The following CTBP2 variants were observed in gnomAD, a reference collection of about 807,000 sequenced individuals.
CTBP2 encodes the protein C-terminal-binding protein 2.
A neutral mutation model predicts 80.3 loss-of-function variants in CTBP2; 30 were observed. That is an observed-to-expected ratio of 0.37 (90% CI 0.28 to 0.51). CTBP2 has a LOEUF of 0.51. Among genes scored for constraint, CTBP2 ranks in the 20% least tolerant of loss-of-function variants. The probability of loss-of-function intolerance (pLI) is 0.93; values close to 1 mark genes in which losing one functional copy is unlikely to be tolerated. For missense variants in CTBP2, 1,212 were observed against 1,375.3 expected (o/e 0.88, Z 1.88); for synonymous variants, 594 against 587.4 (o/e 1.01, Z -0.16).
intron 1 of CTBP2, among the ~76,000 whole-genome samples, chr10:125,118,612 G>A (rs908626909): frequency 5.3e-5 from 8 of 151,956 alleles, no homozygotes; most frequent in Non-Finnish European, 1.2e-4. Flanking sequence ...CATGGGGCCT[G>A]GCTGCACCCC....
At chr10:125,137,458 C>A (rs1214025775) in intron 1 of CTBP2, among the ~76,000 whole-genome samples, 1 of 152,194 alleles carries the variant, frequency 6.6e-6, no homozygotes, top group African/African-American at 2.4e-5. Context: ...TGGTGACCTG[C>A]ACATACAACA....
chr10:125,152,559 T>C (rs1438490165), intron 1 of CTBP2, among the ~76,000 whole-genome samples: 1 of 152,246 alleles, frequency 6.6e-6, no homozygotes, highest in Non-Finnish European at 1.5e-5. Flanking sequence ...TTGCTCTATT[T>C]ACCCAGCCCG....
upstream of CTBP2, among the ~76,000 whole-genome samples, chr10:125,030,987 A>G (rs1027233180): frequency 6.6e-6 from 1 of 152,162 alleles, no homozygotes; most frequent in Non-Finnish European, 1.5e-5. Context: ...CCCAGGACGG[A>G]GCCACCACAG....
chr10:125,101,221 T>C (rs758614419), intron 2 of CTBP2, among the ~76,000 whole-genome samples: 6 of 152,252 alleles, frequency 3.9e-5, no homozygotes, highest in Non-Finnish European at 5.9e-5. Context: ...CCGCCTTTCA[T>C]GTGAAGTGGC....
rs745547367 is a variant in CTBP2, at chr10:125,081,669, A to AG, written c.-102+29320dup. ...TAATTATGTCAAAAGAAAAAGTTAA[A>AG]GGGAAAAAAAAAATAGACATGAATG... On this transcript the variant is annotated intron_variant, in intron 2 of 10. Transcript: ENST00000337195. Among the ~76,000 whole-genome samples the AG allele has an allele frequency of 2.4e-4, 37 of 152,230 alleles. No homozygotes were observed. In the East Asian group the frequency reaches 3.7e-3, roughly 15 times the overall value.
intron 2 of CTBP2, among the ~76,000 whole-genome samples, chr10:125,058,678 T>C (rs1373959808): frequency 6.6e-6 from 1 of 151,962 alleles, no homozygotes; most frequent in East Asian, 1.9e-4. Flanking sequence ...GCAGATCACC[T>C]GAGGCCGGGA....
Position 124,993,843 on chromosome 10 carries a change from G to T in CTBP2, c.2531+12C>A. The T allele has an allele frequency of 6.2e-7, 1 of 1,608,544 alleles. No homozygotes were observed. The highest frequency in any genetic ancestry group is 1.1e-5 in the South Asian group (1 of 90,624). ...CTGTGGGCTCCTGGTAGGCGGCTGG[G>T]GCAACACGCACCTGAAGGGCTCTGA... is the stretch of plus-strand genomic sequence containing the variant. On this transcript the variant is annotated intron_variant, in intron 6 of 8. Coordinates refer to ENST00000309035, the MANE Select transcript of CTBP2 (RefSeq NM_022802.3).
At chr10:125,071,838 A>G (rs1845528805) in intron 2 of CTBP2, among the ~76,000 whole-genome samples, 1 of 152,082 alleles carries the variant, frequency 6.6e-6, no homozygotes, top group African/African-American at 2.4e-5. Context: ...CACCTTTGCA[A>G]ATGCTGCAGA....
At position 125,018,296 on chromosome 10, in the gene CTBP2, G is replaced by T. The variant is rs140017667; in HGVS notation, c.1678+7786C>A. Reference sequence around the variant, plus strand: ...TCCCAACACTTTGGGAGGCTGAGGCGGGGGGATCACCTGAGGTCAGGAGTT... The same window carrying T: ...TCCCAACACTTTGGGAGGCTGAGGCTGGGGGATCACCTGAGGTCAGGAGTT... On this transcript the variant is annotated intron_variant, in intron 1 of 8. Coordinates refer to ENST00000309035, the MANE Select transcript of CTBP2 (RefSeq NM_022802.3). Among the ~76,000 whole-genome samples the T allele has an allele frequency of 5.8e-3, 880 of 152,262 alleles. 12 individuals are homozygous for T. The highest frequency in any genetic ancestry group is 0.02 in the African/African-American group (833 of 41,532).
intron 2 of CTBP2, among the ~76,000 whole-genome samples, chr10:125,074,104 G>C (rs1454375989): frequency 1.3e-5 from 2 of 152,168 alleles, no homozygotes; most frequent in African/African-American, 4.8e-5. Flanking sequence ...TCATAAGCCT[G>C]GCCTCTACCC....
chr10:125,086,432 A>C (rs758420592), intron 2 of CTBP2, among the ~76,000 whole-genome samples: 6 of 151,042 alleles, frequency 4.0e-5, no homozygotes, highest in African/African-American at 4.8e-5. Flanking sequence ...AATCTCAGCT[A>C]CCCGGGAGAC....
intron 2 of CTBP2, among the ~76,000 whole-genome samples, chr10:125,070,650 T>G (rs1001142046): frequency 6.6e-6 from 1 of 151,716 alleles, no homozygotes; most frequent in Non-Finnish European, 1.5e-5. Flanking sequence ...ATCATCACAA[T>G]TTTTATGTAA....
intron 2 of CTBP2, among the ~76,000 whole-genome samples, chr10:125,067,079 G>A (rs986177194): frequency 2.0e-5 from 3 of 152,140 alleles, no homozygotes; most frequent in Non-Finnish European, 4.4e-5. Context: ...ATTATTGGCC[G>A]GCAAAGGCTT....
In CTBP2 at chr10:125,098,734, G is replaced by C. The variant is rs865952238; in HGVS notation, c.-102+12256C>G. Among the ~76,000 whole-genome samples the C allele has an allele frequency of 3.0e-3, 399 of 132,048 alleles. 8 individuals are homozygous for C. Among genetic ancestry groups the C allele is most frequent in the East Asian group, 8.5e-3 (38 of 4,466 alleles). The allele number at this position is 132,048 out of a possible 152,430, so 86.6% of individuals were successfully genotyped here. On this transcript the variant is annotated intron_variant, in intron 2 of 10. Coordinates refer to the CTBP2 transcript ENST00000337195. ...AGAGAGAGAGAGAGACAGAGAGAGA[G>C]AGAGAGAGAGAGAGACAGAGAGAGA... is the stretch of plus-strand genomic sequence containing the variant.
At position 125,063,154 on chromosome 10, in the gene CTBP2, T is replaced by C. The variant is rs192210329; in HGVS notation, c.-101-23999A>G. ...TGCTGTGCTAAATGGCCATCATTGG[T>C]GGAACCAAAAACGAACAATGGGAAA... On this transcript the variant is annotated intron_variant, in intron 2 of 10. Coordinates refer to the CTBP2 transcript ENST00000337195. Among the ~76,000 whole-genome samples, 6 of 152,308 alleles carry C rather than the reference T, an allele frequency of 3.9e-5. No individual in the cohort carries two copies. In the East Asian group the frequency reaches 9.7e-4, roughly 25 times the overall value.
chr10:125,141,223 T>C (rs1291567450), intron 1 of CTBP2, among the ~76,000 whole-genome samples: 5 of 151,438 alleles, frequency 3.3e-5, no homozygotes, highest in Admixed American at 6.6e-5. Context: ...CAGAGTGCAA[T>C]AGGGACTTCC....
At chr10:125,012,009 C>T (rs1336302234) in intron 1 of CTBP2, among the ~76,000 whole-genome samples, 1 of 152,230 alleles carries the variant, frequency 6.6e-6, no homozygotes, top group Non-Finnish European at 1.5e-5. Flanking sequence ...GCAGATCCAA[C>T]AACCCCACCC....
At chr10:125,155,629 GTTC>G (rs1860778611) in intron 1 of CTBP2, among the ~76,000 whole-genome samples, 1 of 151,388 alleles carries the variant, frequency 6.6e-6, no homozygotes, top group South Asian at 2.1e-4. Context: ...CTTTAAAATG[GTTC>G]TTAAGTTTTT....
chr10:125,147,435 T>C (rs1031100477), intron 1 of CTBP2, among the ~76,000 whole-genome samples: 2 of 152,214 alleles, frequency 1.3e-5, no homozygotes, highest in Admixed American at 1.3e-4. Flanking sequence ...AGTGACCTAA[T>C]ACGTAGTAAC....
Sources: allele counts gnomAD v4.1 joint callset (sites outside exome capture counted in the v4.1 genomes callset), GRCh38; gene constraint gnomAD v4.1.1; transcripts MANE v1.5; gene names NCBI Gene and HGNC (gene_info 2026-07-23, HGNC 2026-07-21).